Variants in CTNNA3 observed in about 807,000 individuals in gnomAD.
CTNNA3 encodes the protein catenin alpha-3.
In CTNNA3, 76 loss-of-function variants were observed where a neutral mutation model predicts 95.7. The observed-to-expected ratio is 0.79, with a 90% CI of 0.66 to 0.96. The LOEUF (loss-of-function observed/expected upper bound fraction) is 0.96, where lower values mean the gene tolerates loss of function less well. Ranked by LOEUF, CTNNA3 falls within the 40% of genes least tolerant of loss-of-function variation. The pLI is 0.00. For synonymous variants in CTNNA3, 431 were observed against 374.4 expected (o/e 1.15, Z -1.74); for missense variants, 1,191 against 1,089.8 (o/e 1.09, Z -1.31).
At chr10:66,711,685 A>T (rs1344112484) in intron 9 of CTNNA3, among the ~76,000 whole-genome samples, 2 of 151,850 alleles carry the variant, frequency 1.3e-5, no homozygotes, top group Non-Finnish European at 2.9e-5. Flanking sequence ...AGTAGCTGGG[A>T]TTATAGGCGT....
At chr10:67,613,143 G>A (rs1277806499) in intron 2 of CTNNA3, among the ~76,000 whole-genome samples, 2 of 152,054 alleles carry the variant, frequency 1.3e-5, no homozygotes, top group Non-Finnish European at 2.9e-5. Context: ...TACTTGTTAG[G>A]CTCAGAACAG....
At chr10:67,665,602 T>G (rs1363694343) in intron 1 of CTNNA3, 1 of 152,138 alleles carries the variant, frequency 6.6e-6, no homozygotes, top group African/African-American at 2.4e-5. Flanking sequence ...AGCAATTTCT[T>G]GTATTTAGAA....
intron 1 of CTNNA3, among the ~76,000 whole-genome samples, chr10:67,652,584 C>T (rs1839907606): frequency 6.6e-6 from 1 of 152,186 alleles, no homozygotes; most frequent in African/African-American, 2.4e-5. Context: ...TCATCCCTGT[C>T]TTCCTACCAC....
chr10:67,139,437 A>G (rs1399762620), intron 7 of CTNNA3, among the ~76,000 whole-genome samples: 1 of 147,476 alleles, frequency 6.8e-6, no homozygotes, highest in Non-Finnish European at 1.5e-5. Context: ...ACGAGCCACC[A>G]TACCCGGCCT....
chr10:66,942,682 C>T (rs1002568582), intron 7 of CTNNA3, among the ~76,000 whole-genome samples: 1 of 151,740 alleles, frequency 6.6e-6, no homozygotes, highest in African/African-American at 2.4e-5. Flanking sequence ...CCTTTCTCTA[C>T]CCCAAACATG....
At chr10:67,754,784 G>C (rs915621728) in intron 1 of CTNNA3, among the ~76,000 whole-genome samples, 4 of 152,142 alleles carry the variant, frequency 2.6e-5, no homozygotes, top group African/African-American at 7.2e-5. Flanking sequence ...TGCAAACTAC[G>C]TATCTGACAA....
chr10:67,492,214 A>G (rs1838863936), intron 5 of CTNNA3, among the ~76,000 whole-genome samples: 1 of 152,158 alleles, frequency 6.6e-6, no homozygotes, highest in Non-Finnish European at 1.5e-5. Flanking sequence ...GGAACTGGGA[A>G]GAGTCCAGAC....
intron 9 of CTNNA3, among the ~76,000 whole-genome samples, chr10:66,763,352 AGG>A (rs1491379563): frequency 4.1e-5 from 6 of 147,884 alleles, no homozygotes; most frequent in African/African-American, 1.0e-4. Flanking sequence ...AGAGAGAGAG[AGG>A]GAGAGAGAGA....
chr10:66,217,505 T>C (rs1000577639), intron 13 of CTNNA3, among the ~76,000 whole-genome samples: 1 of 152,220 alleles, frequency 6.6e-6, no homozygotes, highest in Non-Finnish European at 1.5e-5. Flanking sequence ...GGGATGGATA[T>C]TCCAGTTCGT....
At chr10:66,477,867 T>A (rs1452896170) in intron 11 of CTNNA3, among the ~76,000 whole-genome samples, 4 of 152,054 alleles carry the variant, frequency 2.6e-5, no homozygotes, top group African/African-American at 7.2e-5. Flanking sequence ...CTCTCATAAG[T>A]AACATCAACA....
At chr10:67,342,673 A>C (rs1842255323) in intron 5 of CTNNA3, among the ~76,000 whole-genome samples, 4 of 152,166 alleles carry the variant, frequency 2.6e-5, no homozygotes, top group Admixed American at 2.6e-4. Flanking sequence ...CAGTTTTCCC[A>C]GCAGCATTTA....
At chr10:66,352,382 G>C (rs1448599644) in intron 12 of CTNNA3, among the ~76,000 whole-genome samples, 2 of 152,080 alleles carry the variant, frequency 1.3e-5, no homozygotes, top group African/African-American at 4.8e-5. Context: ...GGTAGAGATA[G>C]GAGGAACCAA....
chr10:65,947,096 T>TGG (rs2077529075), intron 17 of CTNNA3, among the ~76,000 whole-genome samples: 1 of 150,718 alleles, frequency 6.6e-6, no homozygotes, highest in African/African-American at 2.4e-5. Flanking sequence ...GTTTGTTTTT[T>TGG]TTTTTTTTGT....
At chr10:66,081,778 T>A (rs2080771694) in intron 14 of CTNNA3, among the ~76,000 whole-genome samples, 1 of 152,220 alleles carries the variant, frequency 6.6e-6, no homozygotes, top group African/African-American at 2.4e-5. Flanking sequence ...AGATTAAAAT[T>A]TATAGGTGAA....
chr10:66,586,560 GT>G (rs1564550447), intron 10 of CTNNA3, among the ~76,000 whole-genome samples: 1 of 152,134 alleles, frequency 6.6e-6, no homozygotes, highest in Non-Finnish European at 1.5e-5. Context: ...TACCTCTTGT[GT>G]AAGTCTGAAC....
rs1838902500 is a variant in CTNNA3, at chr10:67,270,025, T to G, written c.580-50155A>C. 2.0e-5 allele frequency among the ~76,000 whole-genome samples: 3 copies of G among 151,382 alleles called. No individual in the cohort carries two copies. In the South Asian group the frequency reaches 6.2e-4, roughly 31 times the overall value. ...GATGGGTTTAATACAGAACTGAGAA[T>G]AAATTACTTTCAGCAGCTGCACTCT... On this transcript the variant is annotated intron_variant, in intron 5 of 17. Transcript: ENST00000433211.
At chr10:66,490,884 C>A (rs575047943) in intron 11 of CTNNA3, among the ~76,000 whole-genome samples, 3 of 152,126 alleles carry the variant, frequency 2.0e-5, no homozygotes, top group Non-Finnish European at 2.9e-5. Context: ...CAATGAACAA[C>A]GAATATATGA....
intron 7 of CTNNA3, among the ~76,000 whole-genome samples, chr10:66,950,028 T>A (rs1052882407): frequency 1.3e-5 from 2 of 152,196 alleles, no homozygotes; most frequent in African/African-American, 2.4e-5. Flanking sequence ...TGTTTCTCTA[T>A]GCAATTACTC....
intron 7 of CTNNA3, among the ~76,000 whole-genome samples, chr10:67,114,366 A>G (rs1003820944): frequency 2.0e-5 from 3 of 152,148 alleles, no homozygotes; most frequent in Non-Finnish European, 4.4e-5. Context: ...ATGGAAATGT[A>G]AAAACAGAGA....
Sources: allele counts gnomAD v4.1 joint callset (sites outside exome capture counted in the v4.1 genomes callset), GRCh38; gene constraint gnomAD v4.1.1; transcripts MANE v1.5; gene names NCBI Gene and HGNC (gene_info 2026-07-23, HGNC 2026-07-21).